OPCML: variants seen among roughly 807,000 people sequenced by gnomAD.
The protein encoded by OPCML is opioid binding protein/cell adhesion molecule like, also known as opioid-binding protein/cell adhesion molecule.
OPCML carries 13 observed loss-of-function variants against 37.8 expected under a neutral mutation model. The observed-to-expected ratio is 0.34, with a 90% CI of 0.22 to 0.55. OPCML has a LOEUF of 0.55. OPCML is among the 20% of genes least tolerant of loss of function. The pLI is 0.91. For synonymous variants in OPCML, 176 were observed against 168.8 expected, an observed-to-expected ratio of 1.04 and a Z score of -0.33; for missense variants, 341 against 435.6, an observed-to-expected ratio of 0.78 and a Z score of 1.93.
intron 2 of OPCML, among the ~76,000 whole-genome samples, chr11:132,711,623 A>G (rs567491049): frequency 6.6e-6 from 1 of 152,328 alleles, no homozygotes; most frequent in African/African-American, 2.4e-5. Flanking sequence ...TTCACTGTGA[A>G]TTATCAAACC....
At chr11:133,016,204 G>A (rs905291862) in intron 1 of OPCML, among the ~76,000 whole-genome samples, 4 of 151,768 alleles carry the variant, frequency 2.6e-5, no homozygotes, top group South Asian at 2.1e-4. Flanking sequence ...CCGTGGGCTC[G>A]GCTAGGTTCT....
intron 1 of OPCML, among the ~76,000 whole-genome samples, chr11:132,999,270 C>G (rs1445017959): frequency 6.6e-6 from 1 of 152,020 alleles, no homozygotes; most frequent in Admixed American, 6.5e-5. Flanking sequence ...GGTGGCGAGA[C>G]CCCCTCTCGC....
At chr11:132,499,264 G>C (rs998839238) in intron 4 of OPCML, among the ~76,000 whole-genome samples, 1 of 152,204 alleles carries the variant, frequency 6.6e-6, no homozygotes, top group African/African-American at 2.4e-5. Flanking sequence ...CAGAGGAGCA[G>C]TCTGCAAAGA....
chr11:132,816,272 G>A (rs1404955899), intron 2 of OPCML, among the ~76,000 whole-genome samples: 1 of 152,128 alleles, frequency 6.6e-6, no homozygotes, highest in Non-Finnish European at 1.5e-5. Context: ...AACTGTTTTT[G>A]TAAAGGGCCA....
intron 3 of OPCML, among the ~76,000 whole-genome samples, chr11:132,538,866 C>A (rs1319916855): frequency 6.6e-6 from 1 of 152,130 alleles, no homozygotes; most frequent in Admixed American, 6.6e-5. Context: ...TTTGCATGTG[C>A]TGTTCCTTCT....
At chr11:132,435,013 G>C in intron 7 of OPCML, 1 of 418,794 alleles carries the variant, frequency 2.4e-6, no homozygotes, top group Non-Finnish European at 4.7e-6. Flanking sequence ...TATCTAAACT[G>C]TGTAAACCAA....
chr11:133,015,387 G>T (rs1365226621), intron 1 of OPCML, among the ~76,000 whole-genome samples: 2 of 86,784 alleles, frequency 2.3e-5, no homozygotes, highest in Admixed American at 1.6e-4. Flanking sequence ...AAGGAAGGAA[G>T]GAAGGAATGA....
At chr11:132,731,063 A>C (rs552228432) in intron 2 of OPCML, among the ~76,000 whole-genome samples, 1 of 152,338 alleles carries the variant, frequency 6.6e-6, no homozygotes, top group South Asian at 2.1e-4. Context: ...ACTTTCTGTG[A>C]TAATGAAATG....
At chr11:133,122,306 G>A (rs1435409159) in intron 1 of OPCML, among the ~76,000 whole-genome samples, 2 of 151,580 alleles carry the variant, frequency 1.3e-5, no homozygotes, top group Non-Finnish European at 3.0e-5. Context: ...GGGGAGCAGT[G>A]GCTAATCTTC....
At chr11:132,494,652 G>T (rs566604359) in intron 4 of OPCML, among the ~76,000 whole-genome samples, 2 of 152,192 alleles carry the variant, frequency 1.3e-5, no homozygotes, top group Non-Finnish European at 2.9e-5. Flanking sequence ...TATCTTGCAA[G>T]ATTTCTATGA....
chr11:133,117,106 T>C (rs915462751), intron 1 of OPCML, among the ~76,000 whole-genome samples: 5 of 152,186 alleles, frequency 3.3e-5, no homozygotes, highest in Non-Finnish European at 7.3e-5. Flanking sequence ...AAAAACCATT[T>C]AAAAAAATTT....
rs1565564890 is a variant in OPCML at position 132,441,170 on chromosome 11, T to TTTTTTTTTTTTTGTTTTTG, written c.506-3812_506-3811insCAAAAACAAAAAAAAAAAA. ...TGTTCACCAAGGACTTTTTTGTTTT[T>TTTTTTTTTTTTTGTTTTTG]TTTTTTTTTTTTTTTGAGACGGAGT... is the stretch of plus-strand genomic sequence containing the variant. On this transcript the variant is annotated intron_variant, in intron 4 of 7. Coordinates refer to ENST00000524381, the MANE Select transcript of OPCML (RefSeq NM_001012393.5). Among the ~76,000 whole-genome samples the TTTTTTTTTTTTTGTTTTTG allele has an allele frequency of 2.9e-4, 33 of 113,556 alleles. 2 individuals carry two copies. Among genetic ancestry groups the TTTTTTTTTTTTTGTTTTTG allele is most frequent in the Admixed American group, 7.2e-4 (8 of 11,118 alleles). The allele number at this position is 113,556 out of a possible 152,430, so 74.5% of individuals were successfully genotyped here. A position where few individuals can be genotyped will look rare whatever the true frequency, so the allele number is the denominator to read the frequency against.
chr11:132,870,071 T>G (rs1942736228), intron 2 of OPCML, among the ~76,000 whole-genome samples: 1 of 152,196 alleles, frequency 6.6e-6, no homozygotes, highest in African/African-American at 2.4e-5. Context: ...ACACTAGATT[T>G]CTTTAACCAC....
intron 1 of OPCML, among the ~76,000 whole-genome samples, chr11:133,046,323 C>T (rs1948014948): frequency 6.6e-6 from 1 of 152,212 alleles, no homozygotes; most frequent in Admixed American, 6.5e-5. Flanking sequence ...AGCAGTAGCT[C>T]ATATTTGACA....
intron 2 of OPCML, among the ~76,000 whole-genome samples, chr11:132,712,312 A>C (rs1291776436): frequency 6.8e-6 from 1 of 146,420 alleles, no homozygotes; most frequent in Non-Finnish European, 1.5e-5. Flanking sequence ...CCTCCCCCAC[A>C]TCCTCCTCCC....
intron 2 of OPCML, among the ~76,000 whole-genome samples, chr11:132,819,287 GACC>G (rs1258745614): frequency 6.6e-6 from 1 of 151,026 alleles, no homozygotes; most frequent in Non-Finnish European, 1.5e-5. Flanking sequence ...TATTGAAGCA[GACC>G]ATAATATGAT....
At chr11:133,424,932 C>A (rs1307030889) in intron 1 of OPCML, among the ~76,000 whole-genome samples, 4 of 152,158 alleles carry the variant, frequency 2.6e-5, no homozygotes, top group African/African-American at 9.7e-5. Context: ...AGCTTATAGT[C>A]CATAAAGCAT....
At chr11:132,898,182 A>G (rs2136486772) in intron 2 of OPCML, among the ~76,000 whole-genome samples, 1 of 152,312 alleles carries the variant, frequency 6.6e-6, no homozygotes, top group South Asian at 2.1e-4. Context: ...TGAAACCCTG[A>G]CATGACATCA....
intron 1 of OPCML, among the ~76,000 whole-genome samples, chr11:133,223,873 C>T (rs1326736273): frequency 2.7e-4 from 41 of 152,200 alleles, no homozygotes. Flanking sequence ...CAGCTCCTGT[C>T]ATTAGCATCT....
Sources: allele counts gnomAD v4.1 joint callset (sites outside exome capture counted in the v4.1 genomes callset), GRCh38; gene constraint gnomAD v4.1.1; transcripts MANE v1.5; gene names NCBI Gene and HGNC (gene_info 2026-07-23, HGNC 2026-07-21).